The following RSPO3 variants were observed in gnomAD, a reference collection of about 807,000 sequenced individuals.
RSPO3 encodes R-spondin 3, also known as R-spondin-3.
Under a neutral mutation model 36.5 loss-of-function variants are expected in RSPO3, and 17 were observed. The ratio of observed to expected loss-of-function variants is 0.47; its 90% CI spans 0.32 to 0.70. RSPO3 has a LOEUF of 0.70. RSPO3 is among the 30% of genes least tolerant of loss of function. RSPO3 has a pLI of 0.04. For missense variants in RSPO3, 294 were observed against 322.5 expected (o/e 0.91, Z 0.68); for synonymous variants, 108 against 107.0 (o/e 1.01, Z -0.06).
chr6:127,130,915 A>G (rs1774039139), intron 1 of RSPO3, among the ~76,000 whole-genome samples: 1 of 152,064 alleles, frequency 6.6e-6, no homozygotes, highest in South Asian at 2.1e-4. Flanking sequence ...TGGTATCCTT[A>G]GCCCCTCTGA....
chr6:127,195,999 G>A lies in RSPO3; in HGVS notation c.811G>A (p.Val271Ile), dbSNP rs754613511. 4 of 1,605,960 alleles carry A rather than the reference G, an allele frequency of 2.5e-6. No homozygotes were observed. In the South Asian group the frequency reaches 4.5e-5, roughly 18 times the overall value. The change falls in exon 5 of 5, where the codon GTA becomes ATA. Residue 271 changes from valine (V) to isoleucine (I), a missense_variant. Physicochemically the swap from Val to Ile is conservative, Grantham distance 29. Transcript: ENST00000356698. ...ACAGAAATCGGTATCAGTCAGCACT[G>A]TACACTAGAGGGTTCCATGAGATTA... ...DKQKSVSVST[V>I]H is the part of the protein sequence containing the mutation.
intron 1 of RSPO3, among the ~76,000 whole-genome samples, chr6:127,136,066 T>G (rs1396472298): frequency 6.6e-6 from 1 of 152,166 alleles, no homozygotes; most frequent in Non-Finnish European, 1.5e-5. Flanking sequence ...AGTAAGTGAC[T>G]TAATTGAAGT....
intron 4 of RSPO3, among the ~76,000 whole-genome samples, chr6:127,188,711 T>C (rs1775347669): frequency 6.6e-6 from 1 of 152,096 alleles, no homozygotes; most frequent in Non-Finnish European, 1.5e-5. Context: ...TGGTGCTGAC[T>C]CAAAAAGTTT....
rs561307404 is a variant in RSPO3 at position 127,162,450 on chromosome 6, C to G, written c.634+7012C>G. The stretch of plus-strand genomic sequence containing the variant: ...ATTTCCTTTGTAAATTTCCTTCCTT[C>G]CTTTGTAAAAACAGTCAACTATTGA... On this transcript the variant is annotated intron_variant, in intron 4 of 4. Coordinates refer to ENST00000356698, the MANE Select transcript of RSPO3 (RefSeq NM_032784.5). Among the ~76,000 whole-genome samples, 4 of 152,224 alleles carry G rather than the reference C, an allele frequency of 2.6e-5. No individual in the cohort carries two copies. In the East Asian group the frequency reaches 7.7e-4, roughly 29 times the overall value.
chr6:127,167,121 T>G (rs1000459987), intron 4 of RSPO3, among the ~76,000 whole-genome samples: 1 of 152,014 alleles, frequency 6.6e-6, no homozygotes, highest in Non-Finnish European at 1.5e-5. Flanking sequence ...ATTAGTTTAT[T>G]TTTTTCCCTC....
intron 1 of RSPO3, among the ~76,000 whole-genome samples, chr6:127,146,299 G>GA (rs5879839): frequency 1.9e-4 from 29 of 149,832 alleles, no homozygotes; most frequent in East Asian, 5.9e-4. Flanking sequence ...GTCATTATAT[G>GA]AAAAAAAAAA....
At chr6:127,171,609 G>A (rs903084132) in intron 4 of RSPO3, among the ~76,000 whole-genome samples, 2 of 151,728 alleles carry the variant, frequency 1.3e-5, no homozygotes, top group East Asian at 3.9e-4. Flanking sequence ...TTGTTGTAAT[G>A]TTTAACACAC....
chr6:127,127,827 C>T (rs1773967728), intron 1 of RSPO3, among the ~76,000 whole-genome samples: 1 of 151,904 alleles, frequency 6.6e-6, no homozygotes, highest in Admixed American at 6.6e-5. Context: ...CTTTCTTTAT[C>T]CTCATTTAAC....
At chr6:127,168,186 C>T (rs1774860214) in intron 4 of RSPO3, among the ~76,000 whole-genome samples, 1 of 152,108 alleles carries the variant, frequency 6.6e-6, no homozygotes, top group African/African-American at 2.4e-5. Context: ...ACACTGTCTT[C>T]CAGAATGGTT....
intron 4 of RSPO3, among the ~76,000 whole-genome samples, chr6:127,194,390 G>C (rs1371087067): frequency 6.6e-6 from 1 of 152,090 alleles, no homozygotes; most frequent in Admixed American, 6.5e-5. Context: ...CATACCTCAG[G>C]AAACAGTTGG....
intron 4 of RSPO3, among the ~76,000 whole-genome samples, chr6:127,165,197 TAATATC>T (rs1309053274): frequency 5.3e-5 from 8 of 152,032 alleles, no homozygotes; most frequent in Admixed American, 4.6e-4. Flanking sequence ...GATCAAGAGT[TAATATC>T]TAATTAATTA....
intron 4 of RSPO3, among the ~76,000 whole-genome samples, chr6:127,160,851 T>C (rs1010029593): frequency 6.6e-6 from 1 of 152,192 alleles, no homozygotes; most frequent in African/African-American, 2.4e-5. Context: ...CCCTACCTCC[T>C]ACCTCACTAC....
chr6:127,123,766 T>G (rs942750795), intron 1 of RSPO3, among the ~76,000 whole-genome samples: 3 of 152,092 alleles, frequency 2.0e-5, no homozygotes, highest in Non-Finnish European at 4.4e-5. Context: ...GTATTTGAAC[T>G]TGCAAATAGA....
intron 1 of RSPO3, among the ~76,000 whole-genome samples, chr6:127,140,476 C>T (rs943416892): frequency 6.6e-6 from 1 of 152,126 alleles, no homozygotes; most frequent in African/African-American, 2.4e-5. Flanking sequence ...GATGCACAGC[C>T]TCTTCAAAGA....
At chr6:127,122,134 T>C (rs1166471156) in intron 1 of RSPO3, among the ~76,000 whole-genome samples, 1 of 152,214 alleles carries the variant, frequency 6.6e-6, no homozygotes. Context: ...ATATCAGTAT[T>C]CTCCTGTTTC....
Position 127,148,767 on chromosome 6 carries a change from A to G in RSPO3, c.217A>G (p.Ile73Val). ...FALERIGMKQ[I>V]GVCLSSCPSG... is the part of the protein sequence containing the mutation. ...TCTGGAAAGAATTGGCATGAAGCAG[A>G]TTGGAGTATGTCTCTCTTCATGTCC... The change falls in exon 2 of 5, where the codon ATT becomes GTT. Residue 73 changes from isoleucine to valine, a missense_variant. Physicochemically the swap from Ile to Val is conservative, Grantham distance 29 (BLOSUM62 3). Transcript: ENST00000356698. 6.2e-7 allele frequency: 1 copy of G among 1,613,236 alleles called. No individual in the cohort carries two copies. Among genetic ancestry groups the G allele is most frequent in the Non-Finnish European group, 8.5e-7 (1 of 1,179,374 alleles).
intron 4 of RSPO3, among the ~76,000 whole-genome samples, chr6:127,161,752 A>G (rs1265639397): frequency 6.6e-6 from 1 of 152,122 alleles, no homozygotes; most frequent in Non-Finnish European, 1.5e-5. Context: ...ATTTATAAAT[A>G]TTTAGTGCTT....
At chr6:127,184,723 T>C (rs1455754671) in intron 4 of RSPO3, among the ~76,000 whole-genome samples, 1 of 151,936 alleles carries the variant, frequency 6.6e-6, no homozygotes, top group Non-Finnish European at 1.5e-5. Context: ...TTAAAAGTCA[T>C]ATAAGTTACA....
At chr6:127,139,608 A>T (rs1774229502) in intron 1 of RSPO3, among the ~76,000 whole-genome samples, 1 of 152,034 alleles carries the variant, frequency 6.6e-6, no homozygotes, top group Admixed American at 6.6e-5. Flanking sequence ...ATTATTTCTA[A>T]CCTTAAAAAA....
Sources: allele counts gnomAD v4.1 joint callset (sites outside exome capture counted in the v4.1 genomes callset), GRCh38; gene constraint gnomAD v4.1.1; transcripts MANE v1.5; gene names NCBI Gene and HGNC (gene_info 2026-07-23, HGNC 2026-07-21).